NDUFAF6: variants seen among roughly 807,000 people sequenced by gnomAD.
The protein encoded by NDUFAF6 is NADH dehydrogenase (ubiquinone) complex I, assembly factor 6.
Under a neutral mutation model 40.8 loss-of-function variants are expected in NDUFAF6, and 45 were observed. The ratio of observed to expected loss-of-function variants is 1.10; its 90% CI spans 0.87 to 1.42. The LOEUF (loss-of-function observed/expected upper bound fraction) is 1.42. Among genes scored for constraint, NDUFAF6 ranks in the 40% most tolerant of loss-of-function variants. NDUFAF6 has a pLI of 0.00. For missense variants in NDUFAF6, 435 were observed against 418.5 expected (o/e 1.04, Z -0.34); for synonymous variants, 185 against 155.9 (o/e 1.19, Z -1.39).
At chr8:94,945,039 A>T (rs1319146046) in intron 1 of NDUFAF6, among the ~76,000 whole-genome samples, 3 of 152,224 alleles carry the variant, frequency 2.0e-5, no homozygotes. Context: ...GAACACTTGA[A>T]ATGTGACTAG....
chr8:95,070,082 G>A (rs1832803292), intron 9 of NDUFAF6, among the ~76,000 whole-genome samples: 1 of 151,686 alleles, frequency 6.6e-6, no homozygotes, highest in Non-Finnish European at 1.5e-5. Context: ...TTACCTTTGT[G>A]TCCCAAGGAG....
chr8:94,959,450 CAG>C (rs932440264), intron 1 of NDUFAF6, among the ~76,000 whole-genome samples: 51 of 152,262 alleles, frequency 3.3e-4, no homozygotes, highest in African/African-American at 1.2e-3. Flanking sequence ...AAAACACCCT[CAG>C]AAAGTCCAGT....
At chr8:95,010,799 CT>C (rs1827195563) in intron 2 of NDUFAF6, among the ~76,000 whole-genome samples, 1 of 152,130 alleles carries the variant, frequency 6.6e-6, no homozygotes, top group South Asian at 2.1e-4. Context: ...GCTGGTTGGG[CT>C]CTCTGGGAAG....
intron 1 of NDUFAF6, among the ~76,000 whole-genome samples, chr8:94,966,734 C>T (rs1243597618): frequency 1.3e-5 from 2 of 152,176 alleles, no homozygotes; most frequent in African/African-American, 4.8e-5. Context: ...TTCCACCATA[C>T]TTAGTGTGTG....
chr8:94,926,432 A>AAC (rs1554627679), intron 1 of NDUFAF6: 22,587 of 147,808 alleles, frequency 0.15, 3,547 homozygotes, highest in African/African-American at 0.4. Context: ...AAAAAAAAAA[A>AAC]ACACACGCAA....
At chr8:95,054,022 A>C (rs981694177) in intron 8 of NDUFAF6, among the ~76,000 whole-genome samples, 5 of 140,894 alleles carry the variant, frequency 3.5e-5, no homozygotes, top group African/African-American at 1.3e-4. Context: ...GGCTCACAGC[A>C]GTCTCAACCT....
At chr8:95,098,212 C>T (rs778012036), upstream of NDUFAF6, among the ~76,000 whole-genome samples, 2 of 152,142 alleles carry the variant, frequency 1.3e-5, no homozygotes, top group Non-Finnish European at 2.9e-5. Flanking sequence ...AATGGATACC[C>T]CAATCTGGAG....
At chr8:94,973,906 A>T (rs1824702385) in intron 1 of NDUFAF6, among the ~76,000 whole-genome samples, 2 of 151,526 alleles carry the variant, frequency 1.3e-5, no homozygotes, top group Admixed American at 1.3e-4. Flanking sequence ...TTGATCTTGG[A>T]CTTCCCACCC....
chr8:94,939,350 A>G (rs1209271707), intron 1 of NDUFAF6, among the ~76,000 whole-genome samples: 1 of 152,216 alleles, frequency 6.6e-6, no homozygotes, highest in Non-Finnish European at 1.5e-5. Flanking sequence ...ATGCTATTAT[A>G]TAACTGGGGC....
chr8:94,937,194 C>T (rs1821061645), intron 1 of NDUFAF6, among the ~76,000 whole-genome samples: 2 of 152,124 alleles, frequency 1.3e-5, no homozygotes, highest in African/African-American at 4.8e-5. Context: ...TGCCCAAAAA[C>T]ACTTTGGGAG....
downstream of NDUFAF6, chr8:95,078,791 T>C (rs1371173672): frequency 2.0e-5 from 3 of 152,160 alleles, no homozygotes; most frequent in East Asian, 5.8e-4. Context: ...GTCATATAAA[T>C]GGAATCATAC....
At chr8:94,910,262 C>T (rs1586619691) in intron 1 of NDUFAF6, among the ~76,000 whole-genome samples, 2 of 152,236 alleles carry the variant, frequency 1.3e-5, no homozygotes, top group Middle Eastern at 3.4e-3. Context: ...AAACAATTCT[C>T]ATACGTCAGC....
intron 2 of NDUFAF6, among the ~76,000 whole-genome samples, chr8:95,033,306 A>G (rs530603451): frequency 6.6e-6 from 1 of 152,284 alleles, no homozygotes; most frequent in Non-Finnish European, 1.5e-5. Flanking sequence ...CAGCCCCTAA[A>G]GTGCTGGGAT....
chr8:94,935,186 C>T (rs2956195), intron 1 of NDUFAF6, among the ~76,000 whole-genome samples: 2 of 128,186 alleles, frequency 1.6e-5, no homozygotes, highest in African/African-American at 5.7e-5. Flanking sequence ...TAATACAATA[C>T]TTTTCTTAGA....
At chr8:95,072,075 C>T (rs556046824) in intron 9 of NDUFAF6, 1 of 152,244 alleles carries the variant, frequency 6.6e-6, no homozygotes, top group Non-Finnish European at 1.5e-5. Context: ...TTTTTACCTT[C>T]TCACCCCCAG....
At chr8:94,936,582 G>C (rs766932944) in intron 1 of NDUFAF6, among the ~76,000 whole-genome samples, 2 of 152,074 alleles carry the variant, frequency 1.3e-5, no homozygotes, top group Admixed American at 6.5e-5. Flanking sequence ...CCTAGGTTTG[G>C]GTTTTTACTG....
chr8:94,968,581 T>C (rs1824206167), intron 1 of NDUFAF6, among the ~76,000 whole-genome samples: 1 of 152,082 alleles, frequency 6.6e-6, no homozygotes, highest in African/African-American at 2.4e-5. Context: ...TGCCTGGAGC[T>C]GAGTGAGCAA....
downstream of NDUFAF6, among the ~76,000 whole-genome samples, chr8:95,062,231 G>T (rs546903566): frequency 1.3e-5 from 2 of 151,860 alleles, no homozygotes; most frequent in African/African-American, 4.8e-5. Flanking sequence ...GCCACCCTAA[G>T]AGTTGTGTAA....
intron 1 of NDUFAF6, among the ~76,000 whole-genome samples, chr8:94,968,327 T>A (rs1440112564): frequency 6.6e-6 from 1 of 152,176 alleles, no homozygotes; most frequent in Non-Finnish European, 1.5e-5. Context: ...AATATTCTAG[T>A]CAGTGGAGAC....
Sources: allele counts gnomAD v4.1 joint callset (sites outside exome capture counted in the v4.1 genomes callset), GRCh38; gene constraint gnomAD v4.1.1; transcripts MANE v1.5; gene names NCBI Gene and HGNC (gene_info 2026-07-23, HGNC 2026-07-21).